TBL1XR1: variants seen among roughly 807,000 people sequenced by gnomAD.
TBL1XR1 encodes TBL1X/Y related 1.
Under a neutral mutation model 66.9 loss-of-function variants are expected in TBL1XR1, and 5 were observed. That is an observed-to-expected ratio of 0.07 (90% confidence interval 0.04 to 0.16). TBL1XR1 has a LOEUF of 0.16. Among genes scored for constraint, TBL1XR1 ranks in the 10% least tolerant of loss-of-function variants. TBL1XR1 has a pLI of 1.00. For synonymous variants in TBL1XR1, 210 were observed against 206.0 expected (o/e 1.02, Z -0.17); for missense variants, 238 against 623.2 (o/e 0.38, Z 6.58).
intron 1 of TBL1XR1, among the ~76,000 whole-genome samples, chr3:177,123,034 G>A (rs1382202377): frequency 6.6e-6 from 1 of 152,016 alleles, no homozygotes; most frequent in Non-Finnish European, 1.5e-5. Flanking sequence ...GCACACATGT[G>A]TCTTGTATCT....
chr3:177,077,909 T>C (rs959438722), intron 2 of TBL1XR1, among the ~76,000 whole-genome samples: 2 of 152,354 alleles, frequency 1.3e-5, no homozygotes, highest in African/African-American at 4.8e-5. Flanking sequence ...ACATTTTCTT[T>C]TTGATGCTAC....
At chr3:177,066,765 G>C (rs1361996016) in intron 2 of TBL1XR1, among the ~76,000 whole-genome samples, 1 of 152,158 alleles carries the variant, frequency 6.6e-6, no homozygotes, top group African/African-American at 2.4e-5. Context: ...TGGATGCATA[G>C]TTGAGGCATA....
intron 1 of TBL1XR1, among the ~76,000 whole-genome samples, chr3:177,159,962 C>G (rs1444669138): frequency 1.3e-5 from 2 of 152,080 alleles, no homozygotes; most frequent in African/African-American, 4.8e-5. Flanking sequence ...TGCATTTAAC[C>G]TCATAGTTTA....
chr3:177,034,729 A>C (rs1714522547), intron 12 of TBL1XR1, among the ~76,000 whole-genome samples: 1 of 152,094 alleles, frequency 6.6e-6, no homozygotes, highest in African/African-American at 2.4e-5. Flanking sequence ...ATAAATAACC[A>C]ACTTATAAAT....
chr3:177,075,263 T>C (rs1720556533), intron 2 of TBL1XR1, among the ~76,000 whole-genome samples: 1 of 152,238 alleles, frequency 6.6e-6, no homozygotes, highest in African/African-American at 2.4e-5. Context: ...ATGGCCACCT[T>C]GCTTTGTGTC....
At chr3:177,049,936 T>G in intron 7 of TBL1XR1, 61 bp downstream of exon 7, 7 of 1,570,750 alleles carry the variant, frequency 4.5e-6, no homozygotes, top group South Asian at 1.1e-5. Flanking sequence ...GCCGTGAGTA[T>G]GAGGCTCTGA....
intron 1 of TBL1XR1, among the ~76,000 whole-genome samples, chr3:177,168,752 G>T (rs538088226): frequency 6.6e-6 from 1 of 152,154 alleles, no homozygotes; most frequent in South Asian, 2.1e-4. Flanking sequence ...CAAAATATTT[G>T]TATTAAAATA....
chr3:177,066,591 G>C (rs1719195788), intron 2 of TBL1XR1, among the ~76,000 whole-genome samples: 1 of 152,148 alleles, frequency 6.6e-6, no homozygotes, highest in African/African-American at 2.4e-5. Context: ...AGGAAGAGCA[G>C]GGAAAAGCAC....
chr3:177,101,918 AAATGAGGGTAC>A (rs1724269805), intron 1 of TBL1XR1, among the ~76,000 whole-genome samples: 1 of 152,212 alleles, frequency 6.6e-6, no homozygotes, highest in Non-Finnish European at 1.5e-5. Context: ...TACTAGAACC[AAATGAGGGTAC>A]AAATTTGAAC....
At chr3:177,179,602 T>C (rs986465326) in intron 1 of TBL1XR1, among the ~76,000 whole-genome samples, 1 of 152,314 alleles carries the variant, frequency 6.6e-6, no homozygotes, top group Middle Eastern at 3.4e-3. Context: ...GCAGAAGTTA[T>C]TCCTAAACCC....
At chr3:177,052,060 A>G (rs1434184551) in intron 4 of TBL1XR1, among the ~76,000 whole-genome samples, 1 of 152,254 alleles carries the variant, frequency 6.6e-6, no homozygotes, top group Non-Finnish European at 1.5e-5. Context: ...TCAAAGCAAC[A>G]AACAATATGG....
intron 1 of TBL1XR1, among the ~76,000 whole-genome samples, chr3:177,144,519 CA>C (rs1295541032): frequency 6.6e-6 from 1 of 151,708 alleles, no homozygotes; most frequent in African/African-American, 2.4e-5. Flanking sequence ...TTTGGGAGGC[CA>C]AGGCGGGTGG....
At chr3:177,161,642 G>A (rs115485114) in intron 1 of TBL1XR1, among the ~76,000 whole-genome samples, 3,419 of 152,132 alleles carry the variant, frequency 0.022, 138 homozygotes, top group African/African-American at 0.079. Flanking sequence ...AAATTAGCCA[G>A]GCATGATGGT....
At chr3:177,177,123 T>C (rs1734249972) in intron 1 of TBL1XR1, among the ~76,000 whole-genome samples, 1 of 152,190 alleles carries the variant, frequency 6.6e-6, no homozygotes, top group South Asian at 2.1e-4. Context: ...CATATGCCAA[T>C]GCCAATGAAT....
At chr3:177,072,828 C>G (rs994057009) in intron 2 of TBL1XR1, among the ~76,000 whole-genome samples, 6 of 152,176 alleles carry the variant, frequency 3.9e-5, no homozygotes, top group Admixed American at 3.3e-4. Context: ...CTTTGAGAAG[C>G]CGAGGCGGGT....
At chr3:177,170,777 G>C (rs1282130843) in intron 1 of TBL1XR1, among the ~76,000 whole-genome samples, 1 of 151,918 alleles carries the variant, frequency 6.6e-6, no homozygotes, top group African/African-American at 2.4e-5. Flanking sequence ...GCTAGTTTTT[G>C]TATTTTTTGT....
chr3:177,201,226 C>A (rs1481184560), upstream of TBL1XR1, among the ~76,000 whole-genome samples: 1 of 151,764 alleles, frequency 6.6e-6, no homozygotes, highest in Non-Finnish European at 1.5e-5. Flanking sequence ...GCCTGACCAA[C>A]ATGGTGAAAC....
At chr3:177,187,897 T>C (rs1735626447) in intron 1 of TBL1XR1, among the ~76,000 whole-genome samples, 1 of 145,348 alleles carries the variant, frequency 6.9e-6, no homozygotes, top group African/African-American at 2.6e-5. Flanking sequence ...TTTTTAAACA[T>C]TTAAAAAGAA....
intron 13 of TBL1XR1, among the ~76,000 whole-genome samples, chr3:177,033,372 G>A (rs73185581): frequency 2.6e-3 from 398 of 152,072 alleles, no homozygotes; most frequent in Non-Finnish European, 4.5e-3. Context: ...AGCTAAACAA[G>A]CGAAAAAAAC....
Sources: allele counts gnomAD v4.1 joint callset (sites outside exome capture counted in the v4.1 genomes callset), GRCh38; gene constraint gnomAD v4.1.1; transcripts MANE v1.5; gene names NCBI Gene and HGNC (gene_info 2026-07-23, HGNC 2026-07-21).